SULF1: variants seen among roughly 807,000 people sequenced by gnomAD.
SULF1 encodes sulfatase 1.
Under a neutral mutation model 110.5 loss-of-function variants are expected in SULF1, and 46 were observed. The observed-to-expected ratio is 0.42, with a 90% CI of 0.33 to 0.53. SULF1 has a LOEUF of 0.53. Among genes scored for constraint, SULF1 ranks in the 20% least tolerant of loss-of-function variants. SULF1 has a pLI of 0.12. For missense variants in SULF1, 941 were observed against 1,094.2 expected, an observed-to-expected ratio of 0.86 and a Z score of 1.98; for synonymous variants, 371 against 387.1, an observed-to-expected ratio of 0.96 and a Z score of 0.49.
At chr8:69,560,118 G>A (rs1409973935) in intron 3 of SULF1, among the ~76,000 whole-genome samples, 1 of 152,088 alleles carries the variant, frequency 6.6e-6, no homozygotes, top group East Asian at 1.9e-4. Context: ...ACTATACTTT[G>A]GACATTGCTG....
intron 1 of SULF1, among the ~76,000 whole-genome samples, chr8:69,481,274 A>G (rs1809511555): frequency 6.6e-6 from 1 of 152,194 alleles, no homozygotes; most frequent in Non-Finnish European, 1.5e-5. Context: ...GCTTACCAGT[A>G]TTACAACTTC....
At chr8:69,511,374 C>T (rs527981736) in intron 3 of SULF1, among the ~76,000 whole-genome samples, 29 of 152,092 alleles carry the variant, frequency 1.9e-4, no homozygotes, top group African/African-American at 6.0e-4. Flanking sequence ...CACGAAAATC[C>T]GATAAAAAGA....
At chr8:69,650,833 C>T (rs1453712432) in intron 22 of SULF1, among the ~76,000 whole-genome samples, 5 of 152,124 alleles carry the variant, frequency 3.3e-5, no homozygotes, top group East Asian at 1.9e-4. Context: ...GGCCTAAAAG[C>T]ATGTTCCAGG....
chr8:69,592,940 A>G (rs1308572303), intron 8 of SULF1: 13 of 987,304 alleles, frequency 1.3e-5, no homozygotes, highest in Non-Finnish European at 1.2e-5. Context: ...GTAAGGACCA[A>G]TCTGGACTGT....
chr8:69,577,685 G>A (rs140094113), intron 6 of SULF1, among the ~76,000 whole-genome samples: 63 of 152,284 alleles, frequency 4.1e-4, no homozygotes, highest in Admixed American at 1.1e-3. Context: ...ATTAGGAAGG[G>A]CAAGAAAGAA....
chr8:69,493,532 T>G (rs144340236), intron 1 of SULF1, among the ~76,000 whole-genome samples: 1 of 151,854 alleles, frequency 6.6e-6, no homozygotes, highest in African/African-American at 2.4e-5. Context: ...CCTGGCTTGT[T>G]AGACAAGGAG....
intron 3 of SULF1, among the ~76,000 whole-genome samples, chr8:69,523,457 C>G (rs1812455007): frequency 6.6e-6 from 1 of 152,008 alleles, no homozygotes; most frequent in South Asian, 2.1e-4. Flanking sequence ...GTATTAGGAC[C>G]TCTTTGAAGT....
intron 6 of SULF1, among the ~76,000 whole-genome samples, chr8:69,577,918 A>G: frequency 6.6e-6 from 1 of 152,132 alleles, no homozygotes; most frequent in East Asian, 1.9e-4. Context: ...CTCATTCCAA[A>G]ACGCCTTCCA....
At chr8:69,640,128 G>A (rs112064765) in intron 21 of SULF1, among the ~76,000 whole-genome samples, 15 of 147,854 alleles carry the variant, frequency 1.0e-4, no homozygotes, top group East Asian at 4.0e-4. Context: ...AGAAAGGAAG[G>A]AAGAAGGAAG....
intron 5 of SULF1, among the ~76,000 whole-genome samples, 174 bp from the exon 6 acceptor site, chr8:69,575,796 G>C (rs1805569056): frequency 6.6e-6 from 1 of 152,148 alleles, no homozygotes; most frequent in South Asian, 2.1e-4. Flanking sequence ...TGAGATGGTA[G>C]GATCTCAAAT....
At chr8:69,561,034 C>T (rs1815447736) in intron 3 of SULF1, among the ~76,000 whole-genome samples, 1 of 152,152 alleles carries the variant, frequency 6.6e-6, no homozygotes, top group South Asian at 2.1e-4. Context: ...GAGGAATAAA[C>T]ATTAAAGATC....
At chr8:69,569,181 C>G (rs1295612275) in intron 5 of SULF1, among the ~76,000 whole-genome samples, 1 of 152,040 alleles carries the variant, frequency 6.6e-6, no homozygotes, top group African/African-American at 2.4e-5. Context: ...TAACATTGAC[C>G]CGATGTTTCT....
chr8:69,644,491 T>G (rs1316065573), intron 22 of SULF1, among the ~76,000 whole-genome samples: 2 of 152,078 alleles, frequency 1.3e-5, no homozygotes, highest in African/African-American at 4.8e-5. Context: ...AACTCCATCA[T>G]CAGTCACAGG....
At chr8:69,620,974 G>T in intron 13 of SULF1, 61 bp from the exon 14 acceptor site, 3 of 1,398,818 alleles carry the variant, frequency 2.1e-6, no homozygotes, top group Non-Finnish European at 2.9e-6. Context: ...TAAGGCAGCA[G>T]CTCTTAATAA....
intron 3 of SULF1, among the ~76,000 whole-genome samples, chr8:69,512,283 C>T (rs528930285): frequency 9.9e-4 from 151 of 152,252 alleles, no homozygotes; most frequent in Middle Eastern, 3.4e-3. Flanking sequence ...AAAAGTGCCT[C>T]TTGAGCGAGT....
chr8:69,646,665 G>A (rs925748654), intron 22 of SULF1, among the ~76,000 whole-genome samples: 3 of 152,098 alleles, frequency 2.0e-5, no homozygotes, highest in Non-Finnish European at 4.4e-5. Context: ...TTACACAGCT[G>A]ATAAATGGTG....
rs115738869 is a variant in SULF1 at position 69,494,021 on chromosome 8, A to T, written c.-391+896A>T. Among the ~76,000 whole-genome samples the T allele has an allele frequency of 5.0e-3, 756 of 151,020 alleles. 7 individuals are homozygous for T. Among genetic ancestry groups the T allele is most frequent in the African/African-American group, 0.017 (724 of 41,452 alleles). ...AAAAACAAAGGGTCTATTTTGGGCA[A>T]TTGTACAATTTGCATTTATAAAACC... On this transcript the variant is annotated intron_variant, in intron 1 of 22. Coordinates refer to ENST00000402687, the MANE Select transcript of SULF1 (RefSeq NM_001128205.2).
Position 69,604,849 on chromosome 8 carries a change from T to G in SULF1, c.1294T>G (p.Ser432Ala). The G allele has an allele frequency of 6.2e-7, 1 of 1,614,076 alleles. No individual in the cohort carries two copies. Among genetic ancestry groups the G allele is most frequent in the Non-Finnish European group, 8.5e-7 (1 of 1,180,004 alleles). Residue 432 changes from serine to alanine, a missense_variant, in exon 13 of 23, where the codon TCA (serine) becomes GCA (alanine). By Grantham distance (99) the Ser-to-Ala change is moderately conservative (BLOSUM62 1). This residue lies in a region of SULF1 where 822 missense variants were observed against 934.3 expected (regional missense o/e 0.88). Coordinates refer to ENST00000402687, the MANE Select transcript of SULF1 (RefSeq NM_001128205.2). Reference protein sequence around the residue: ...KEESSKNIQQSNHLPKYERVK... With the variant: ...KEESSKNIQQANHLPKYERVK... ...AGAATCCAGCAAGAATATCCAACAG[T>G]CAAATCACTTGCCCAAATATGAACG...
At chr8:69,620,549 G>C (rs148271252) in intron 13 of SULF1, among the ~76,000 whole-genome samples, 27 of 152,330 alleles carry the variant, frequency 1.8e-4, no homozygotes, top group African/African-American at 3.4e-4. Context: ...CTCGCCCCAT[G>C]ATGGGCTCCA....
Sources: gnomAD v4.1 joint callset for allele counts (sites outside exome capture counted in the v4.1 genomes callset) on GRCh38, gnomAD v4.1.1 for gene constraint, gnomAD v4.1.1 regional missense constraint, MANE v1.5 for transcripts, NCBI Gene and HGNC (gene_info 2026-07-23, HGNC 2026-07-21) for gene names.